F13A1: variants seen among roughly 807,000 people sequenced by gnomAD.
F13A1 encodes the protein FSF, A subunit.
A neutral mutation model predicts 80.1 loss-of-function variants in F13A1; 47 were observed. The observed-to-expected ratio is 0.59, with a 90% CI of 0.46 to 0.75. The LOEUF (loss-of-function observed/expected upper bound fraction) is 0.75. Ranked by LOEUF, F13A1 falls within the 30% of genes least tolerant of loss-of-function variation. The pLI, the probability that F13A1 is intolerant of heterozygous loss-of-function variation, is 0.00. For missense variants in F13A1, 817 were observed against 930.4 expected (o/e 0.88, Z 1.59); for synonymous variants, 349 against 344.9 (o/e 1.01, Z -0.13).
intron 4 of F13A1, among the ~76,000 whole-genome samples, chr6:6,258,897 G>A (rs773772757): frequency 4.6e-5 from 7 of 152,186 alleles, no homozygotes; most frequent in South Asian, 4.2e-4. Flanking sequence ...GTCTCTCCTC[G>A]TTCCCCAAAT....
chr6:6,171,817 T>C (rs553869660), intron 12 of F13A1, among the ~76,000 whole-genome samples: 1 of 152,322 alleles, frequency 6.6e-6, no homozygotes, highest in East Asian at 1.9e-4. Flanking sequence ...TCCTTCCTGC[T>C]CATTGAACAC....
intron 3 of F13A1, among the ~76,000 whole-genome samples, chr6:6,276,304 G>A (rs1271722837): frequency 6.6e-6 from 1 of 152,208 alleles, no homozygotes; most frequent in Admixed American, 6.5e-5. Context: ...GTCTTGAGGT[G>A]AGAGTCTGAG....
intron 10 of F13A1, among the ~76,000 whole-genome samples, chr6:6,193,049 C>A (rs1326311722): frequency 2.6e-5 from 4 of 152,074 alleles, no homozygotes; most frequent in Non-Finnish European, 5.9e-5. Flanking sequence ...GGGAGATAGG[C>A]AGATGGGGCT....
chr6:6,224,585 G>A lies in F13A1; in HGVS notation c.973+101C>T, dbSNP rs183210243. The A allele has an allele frequency of 6.9e-5, 78 of 1,137,354 alleles. No homozygotes were observed. The East Asian group carries it at 1.8e-3, about 26-fold the overall frequency. The allele number at this position is 1,137,354 out of a possible 1,614,324, so 70.5% of individuals were successfully genotyped here. ...ATGGCTCACCCATAAATTCTATAGT[G>A]TCAACAGGGGCTGCTATGTCTCTTT... On this transcript the variant is annotated intron_variant, in intron 7 of 14. Coordinates refer to ENST00000264870, the MANE Select transcript of F13A1 (RefSeq NM_000129.4).
chr6:6,252,178 A>T (rs1757641817), intron 4 of F13A1, among the ~76,000 whole-genome samples: 2 of 152,358 alleles, frequency 1.3e-5, no homozygotes, highest in Admixed American at 6.5e-5. Flanking sequence ...AGTTTGTGGC[A>T]TGAAGAAACA....
At chr6:6,317,934 G>A (rs774183577) in intron 2 of F13A1, among the ~76,000 whole-genome samples, 2 of 152,212 alleles carry the variant, frequency 1.3e-5, no homozygotes, top group African/African-American at 2.4e-5. Context: ...GTCAGCTGCC[G>A]GCTGCTGTAC....
rs551761271 is a variant in F13A1 at position 6,252,431 on chromosome 6, T to C, written c.572-1502A>G. 4.8e-3 allele frequency among the ~76,000 whole-genome samples: 724 copies of C among 152,296 alleles called. 3 individuals are homozygous for C. The highest frequency in any genetic ancestry group is 0.016 in the African/African-American group (685 of 41,564). ...TACATATGTATCTATGTATACTGTATATATGTCTATTTTTAAAAAGCTACA... is the reference window on the plus strand; with the variant it reads ...TACATATGTATCTATGTATACTGTACATATGTCTATTTTTAAAAAGCTACA... On this transcript the variant is annotated intron_variant, in intron 4 of 14. Transcript: ENST00000264870.
At chr6:6,314,176 T>C (rs1315943933) in intron 2 of F13A1, among the ~76,000 whole-genome samples, 1 of 151,924 alleles carries the variant, frequency 6.6e-6, no homozygotes, top group Non-Finnish European at 1.5e-5. Context: ...GAGACAGGGT[T>C]TCACCATGTT....
intron 8 of F13A1, among the ~76,000 whole-genome samples, chr6:6,218,069 G>A (rs962148517): frequency 6.6e-6 from 1 of 152,136 alleles, no homozygotes; most frequent in Non-Finnish European, 1.5e-5. Context: ...AAGCTGAGAG[G>A]AGGACACCAA....
intron 10 of F13A1, among the ~76,000 whole-genome samples, chr6:6,188,202 GT>G (rs1447276332): frequency 6.6e-6 from 1 of 152,066 alleles, no homozygotes; most frequent in Non-Finnish European, 1.5e-5. Context: ...TTTTTGAAGG[GT>G]TTTTTGTGTC....
At chr6:6,296,387 G>A (rs1300646145) in intron 3 of F13A1, among the ~76,000 whole-genome samples, 213 of 145,268 alleles carry the variant, frequency 1.5e-3, no homozygotes, top group Admixed American at 4.4e-3. Flanking sequence ...AGCATGGAAT[G>A]TTCTTCCATT....
At chr6:6,178,619 A>G (rs1207390946) in intron 11 of F13A1, among the ~76,000 whole-genome samples, 2 of 152,172 alleles carry the variant, frequency 1.3e-5, no homozygotes, top group Non-Finnish European at 2.9e-5. Flanking sequence ...GAACATTAAC[A>G]CCAGCTATGT....
intron 6 of F13A1, among the ~76,000 whole-genome samples, chr6:6,244,453 T>C (rs1480147712): frequency 1.3e-5 from 2 of 152,204 alleles, no homozygotes; most frequent in Non-Finnish European, 2.9e-5. Context: ...AGTTAGCTTA[T>C]GTAAGGTTAT....
intron 3 of F13A1, among the ~76,000 whole-genome samples, chr6:6,292,125 A>T (rs1373580892): frequency 6.6e-6 from 1 of 152,184 alleles, no homozygotes; most frequent in Non-Finnish European, 1.5e-5. Flanking sequence ...AAAAATGGAG[A>T]TGGCCATAGT....
At chr6:6,196,969 G>A (rs879578744) in intron 9 of F13A1, among the ~76,000 whole-genome samples, 3 of 152,172 alleles carry the variant, frequency 2.0e-5, no homozygotes, top group Admixed American at 6.5e-5. Flanking sequence ...AAACTGCTTA[G>A]CAAAGCAAGA....
intron 6 of F13A1, among the ~76,000 whole-genome samples, chr6:6,225,968 T>C (rs1201275444): frequency 6.6e-6 from 1 of 152,242 alleles, no homozygotes; most frequent in Non-Finnish European, 1.5e-5. Context: ...AAAGGCAATC[T>C]TGAATATCTG....
chr6:6,178,786 T>G (rs1760928660), intron 11 of F13A1, among the ~76,000 whole-genome samples: 1 of 152,120 alleles, frequency 6.6e-6, no homozygotes, highest in Non-Finnish European at 1.5e-5. Context: ...GAAAGTAACA[T>G]TGTAGAAACA....
chr6:6,189,736 C>T lies in F13A1; in HGVS notation c.1305+6061G>A, dbSNP rs866244316. 1.9e-3 allele frequency among the ~76,000 whole-genome samples: 280 copies of T among 148,362 alleles called. 1 individual carries two copies. The highest frequency in any genetic ancestry group is 5.3e-3 in the African/African-American group (215 of 40,444). ...CTCTTCTCGAGGAGTATCTTTGTGG[C>T]GTTCTCTGTATTTCCTGAATCTGAA... On this transcript the variant is annotated intron_variant, in intron 10 of 14. Transcript: ENST00000264870.
chr6:6,159,797 G>C (rs567396012), intron 13 of F13A1, among the ~76,000 whole-genome samples: 2 of 152,126 alleles, frequency 1.3e-5, no homozygotes, highest in Non-Finnish European at 2.9e-5. Flanking sequence ...CGATTTCTGT[G>C]GGTTAAGCAT....
Sources: allele counts gnomAD v4.1 joint callset (sites outside exome capture counted in the v4.1 genomes callset), GRCh38; gene constraint gnomAD v4.1.1; transcripts MANE v1.5; gene names NCBI Gene and HGNC (gene_info 2026-07-23, HGNC 2026-07-21).